NUMA1: variants seen among roughly 807,000 people sequenced by gnomAD.
The protein encoded by NUMA1 is SP-H antigen.
A neutral mutation model predicts 237.1 loss-of-function variants in NUMA1; 62 were observed. The ratio of observed to expected loss-of-function variants is 0.26; its 90% CI spans 0.21 to 0.32. The LOEUF (loss-of-function observed/expected upper bound fraction) is 0.32, where lower values mean the gene tolerates loss of function less well. NUMA1 is among the 10% of genes least tolerant of loss of function. The pLI, the probability that NUMA1 is intolerant of heterozygous loss-of-function variation, is 1.00. For synonymous variants in NUMA1, 1,028 were observed against 1,066.1 expected, an observed-to-expected ratio of 0.96 and a Z score of 0.70; for missense variants, 2,533 against 2,666.5, an observed-to-expected ratio of 0.95 and a Z score of 1.10.
chr11:72,006,945 C>CA, intron 21 of NUMA1, among the ~76,000 whole-genome samples: 2 of 152,376 alleles, frequency 1.3e-5, no homozygotes, highest in East Asian at 1.9e-4. Flanking sequence ...TGCACAGGCT[C>CA]AGTGCTACGC....
Position 72,022,341 on chromosome 11 carries a change from G to A in NUMA1, c.370C>T (p.Gln124Ter), listed in dbSNP as rs1357396702. ...RDWEQFEYKI[Q>*]AELAVILKFV... ...GGCATGGAGGCACAAGGGCTTACCT[G>A]AATTTTATATTCAAACTGTTCCCAG... is the stretch of plus-strand genomic sequence containing the variant. Residue 124 changes from glutamine to a stop codon, truncating the protein, a stop_gained and splice_region_variant, in exon 7 of 27, where the codon CAG becomes TAG. Transcript: ENST00000393695. LOFTEE classifies it high-confidence loss of function. 1 of 1,610,760 alleles carries A rather than the reference G, an allele frequency of 6.2e-7. No individual in the cohort carries two copies. The highest frequency in any genetic ancestry group is 1.7e-5 in the Admixed American group (1 of 59,872).
chr11:72,066,884 A>G (rs185846289), intron 2 of NUMA1: 1 of 152,360 alleles, frequency 6.6e-6, no homozygotes, highest in Admixed American at 6.5e-5. Flanking sequence ...ATGACAGCCA[A>G]TTGGCCCTTA....
chr11:72,003,932 G>A lies in NUMA1; in HGVS notation c.6291C>T (p.Ala2097=), dbSNP rs377519577. 24 of 1,613,150 alleles carry A rather than the reference G, an allele frequency of 1.5e-5. No homozygotes were observed. Among genetic ancestry groups the A allele is most frequent in the East Asian group, 2.2e-5 (1 of 44,888 alleles). The change falls in exon 26 of 27, where the codon GCC becomes GCT. Residue 2097 remains alanine (A), a synonymous_variant. Coordinates refer to ENST00000393695, the MANE Select transcript of NUMA1 (RefSeq NM_006185.4). ...TGGCACCAATGGCGGCAGCAGTGGC[G>A]GCGCTGGCTGTGGTGGTGGCAATGC... ...SPRIATTTAS[A]ATAAAIGATP...
chr11:72,030,220 A>G (rs1004765281), intron 3 of NUMA1, among the ~76,000 whole-genome samples: 7 of 151,978 alleles, frequency 4.6e-5, no homozygotes, highest in Non-Finnish European at 8.8e-5. Flanking sequence ...CTGTAGTCCC[A>G]GCTACTTAGA....
chr11:72,024,618 A>C, intron 4 of NUMA1: 1 of 469,102 alleles, frequency 2.1e-6, no homozygotes, highest in Non-Finnish European at 3.9e-6. Flanking sequence ...AAACATAAAA[A>C]AGCTCTGTGG....
In NUMA1 at chr11:72,025,055, G is replaced by A. The variant is rs538285255; in HGVS notation, c.129-702C>T. 7.2e-5 allele frequency among the ~76,000 whole-genome samples: 11 copies of A among 152,122 alleles called. No homozygotes were observed. The South Asian group carries it at 1.9e-3, about 26-fold the overall frequency. On this transcript the variant is annotated intron_variant, in intron 4 of 26. Transcript: ENST00000393695. ...TGGGATTACAGGCATGGACCACCAC[G>A]CCCGGCTAATTTTTGTATTTTTAGT...
At chr11:72,056,319 ATCTC>A (rs1273469656) in intron 2 of NUMA1, among the ~76,000 whole-genome samples, 19 of 90,762 alleles carry the variant, frequency 2.1e-4, no homozygotes, top group African/African-American at 6.7e-4. Flanking sequence ...GCAAGATCCC[ATCTC>A]TCTTTTTTTT....
chr11:72,011,346 C>G (rs1295148193), intron 16 of NUMA1, among the ~76,000 whole-genome samples: 1 of 152,242 alleles, frequency 6.6e-6, no homozygotes, highest in East Asian at 1.9e-4. Flanking sequence ...AGGGCTGGTG[C>G]TAGCAGCATG....
chr11:72,003,766 C>G, intron 26 of NUMA1, 121 bp downstream of exon 26: 1 of 1,143,180 alleles, frequency 8.7e-7, no homozygotes, highest in Non-Finnish European at 1.3e-6. Flanking sequence ...AGGGACACCT[C>G]TTACCCCACA....
chr11:72,010,831 C>T lies in NUMA1; in HGVS notation c.4674G>A (p.Leu1558=). ...TKQVEELSKK[L]ADSDQASKVQ... Reference sequence around the variant, plus strand: ...CCTTGCTGGCTTGGTCAGAGTCAGCCAGTTTCTTACTCAGTTCTTCCACCT... The same window carrying T: ...CCTTGCTGGCTTGGTCAGAGTCAGCTAGTTTCTTACTCAGTTCTTCCACCT... The change falls in exon 17 of 27, where the codon CTG becomes CTA. Residue 1558 remains leucine, a synonymous_variant. Transcript: ENST00000393695. 6.2e-7 allele frequency: 1 copy of T among 1,613,986 alleles called. No individual in the cohort carries two copies. The highest frequency in any genetic ancestry group is 1.6e-4 in the Middle Eastern group (1 of 6,062).
intron 4 of NUMA1, chr11:72,024,929 GCT>G (rs1939371007): frequency 1.3e-5 from 2 of 154,380 alleles, no homozygotes; most frequent in Admixed American, 6.5e-5. Flanking sequence ...ACAGAATCTC[GCT>G]CTGTTGCCCA....
At chr11:72,020,216 A>AT (rs1491469256) in intron 8 of NUMA1, 2 of 152,422 alleles carry the variant, frequency 1.3e-5, no homozygotes, top group African/African-American at 4.8e-5. Context: ...GGCTCTGCCC[A>AT]TAGTGCCCAC....
chr11:72,024,667 G>A (rs963013702), intron 4 of NUMA1: 33 of 364,884 alleles, frequency 9.0e-5, no homozygotes, highest in South Asian at 2.3e-4. Context: ...ACAGATGAAC[G>A]GGAAGCTATA....
At chr11:72,033,255 G>A (rs1273099850) in intron 3 of NUMA1, among the ~76,000 whole-genome samples, 1 of 152,018 alleles carries the variant, frequency 6.6e-6, no homozygotes, top group African/African-American at 2.4e-5. Context: ...CAAACTCCCG[G>A]GCTCAAGCAA....
intron 1 of NUMA1, among the ~76,000 whole-genome samples, chr11:72,079,747 A>AG (rs141539869): frequency 0.81 from 114,635 of 141,396 alleles, 47,917 homozygotes; most frequent in Non-Finnish European, 0.94. Context: ...ACAAACAAAA[A>AG]TTAAAAAAAA....
chr11:72,015,247 C>T lies in NUMA1; in HGVS notation c.2256G>A (p.Arg752=). The part of the protein sequence containing the change: ...ETRSLVEQHK[R]ERKELEEERA... ...TCTCTTCTTCCAGCTCCTTTCGTTCCCGCTTATGCTGCTCCACCAGGCTTC... is the reference window on the plus strand; with the variant it reads ...TCTCTTCTTCCAGCTCCTTTCGTTCTCGCTTATGCTGCTCCACCAGGCTTC... The change falls in exon 15 of 27, where the codon CGG becomes CGA. Residue 752 remains arginine, a synonymous_variant. Transcript: ENST00000393695. The surrounding 1 kb of genome is among the most constrained non-coding windows in gnomAD (Gnocchi z 4.0). 1 of 1,613,618 alleles carries T rather than the reference C, an allele frequency of 6.2e-7. No homozygotes were observed. The highest frequency in any genetic ancestry group is 1.1e-5 in the South Asian group (1 of 91,084).
chr11:72,040,278 A>G (rs555442123), intron 2 of NUMA1, among the ~76,000 whole-genome samples: 8 of 152,280 alleles, frequency 5.3e-5, no homozygotes, highest in South Asian at 4.1e-4. Context: ...GAGGGATTAC[A>G]GAGGAAACCA....
intron 1 of NUMA1, among the ~76,000 whole-genome samples, chr11:72,073,432 A>G (rs150415687): frequency 2.6e-5 from 4 of 152,346 alleles, no homozygotes; most frequent in Non-Finnish European, 5.9e-5. Context: ...AAGCTGCATT[A>G]GTAGAAGATG....
intron 13 of NUMA1, chr11:72,016,732 A>G: frequency 1.6e-6 from 1 of 611,408 alleles, no homozygotes; most frequent in Non-Finnish European, 2.8e-6. Flanking sequence ...AAGGCACAAT[A>G]AAGTCATAAT....
Sources: gnomAD v4.1 joint callset for allele counts (sites outside exome capture counted in the v4.1 genomes callset) on GRCh38, gnomAD v4.1.1 for gene constraint, Gnocchi (gnomAD v3.1) non-coding constraint, MANE v1.5 for transcripts, NCBI Gene and HGNC (gene_info 2026-07-23, HGNC 2026-07-21) for gene names.